Variants in MAGI2 observed in about 807,000 individuals in gnomAD.
The protein encoded by MAGI2 is membrane associated guanylate kinase, WW and PDZ domain containing 2.
MAGI2 carries 35 observed loss-of-function variants against 133.3 expected under a neutral mutation model. The observed-to-expected ratio is 0.26, with a 90% CI of 0.20 to 0.35. The LOEUF is 0.35. Ranked by LOEUF, MAGI2 falls within the 10% of genes least tolerant of loss-of-function variation. The probability of loss-of-function intolerance (pLI) is 1.00; values close to 1 mark genes in which losing one functional copy is unlikely to be tolerated. For synonymous variants in MAGI2, 729 were observed against 710.6 expected, an observed-to-expected ratio of 1.03 and a Z score of -0.41; for missense variants, 1,636 against 1,863.4, an observed-to-expected ratio of 0.88 and a Z score of 2.25.
At chr7:79,053,513 T>C (rs529180749) in intron 1 of MAGI2, among the ~76,000 whole-genome samples, 8 of 152,302 alleles carry the variant, frequency 5.3e-5, no homozygotes, top group African/African-American at 9.6e-5. Context: ...ATTCAATTCA[T>C]TTAAAGTGAA....
chr7:78,945,147 C>A (rs1584467757), intron 2 of MAGI2, among the ~76,000 whole-genome samples: 2 of 152,022 alleles, frequency 1.3e-5, no homozygotes, highest in South Asian at 4.2e-4. Flanking sequence ...TTGCAACCTC[C>A]CCCTCCCCGG....
At chr7:79,002,248 A>C (rs894705245) in intron 2 of MAGI2, among the ~76,000 whole-genome samples, 3 of 151,608 alleles carry the variant, frequency 2.0e-5, no homozygotes, top group African/African-American at 7.3e-5. Flanking sequence ...CCTCACAAGT[A>C]GCTGGGACTA....
chr7:78,158,913 C>T (rs1824673308), intron 16 of MAGI2, among the ~76,000 whole-genome samples: 1 of 152,084 alleles, frequency 6.6e-6, no homozygotes, highest in Non-Finnish European at 1.5e-5. Context: ...GCAGACCTTG[C>T]ACTCAGTGTA....
chr7:79,340,100 C>T (rs918379336), intron 1 of MAGI2, among the ~76,000 whole-genome samples: 1 of 151,948 alleles, frequency 6.6e-6, no homozygotes, highest in African/African-American at 2.4e-5. Flanking sequence ...ATTATATTTT[C>T]AAATATTTGT....
chr7:79,184,192 T>C (rs2129550539), intron 1 of MAGI2, among the ~76,000 whole-genome samples: 1 of 151,846 alleles, frequency 6.6e-6, no homozygotes, highest in Middle Eastern at 3.4e-3. Flanking sequence ...GTATGTTAAT[T>C]AGCTTGATAT....
chr7:78,911,354 G>A (rs1016065602), intron 2 of MAGI2, among the ~76,000 whole-genome samples: 1 of 152,180 alleles, frequency 6.6e-6, no homozygotes, highest in Non-Finnish European at 1.5e-5. Context: ...ACCCCAAGGT[G>A]GAGGTATTAA....
chr7:79,452,704 T>C (rs1009700787), intron 1 of MAGI2, among the ~76,000 whole-genome samples: 1 of 152,064 alleles, frequency 6.6e-6, no homozygotes, highest in African/African-American at 2.4e-5. Flanking sequence ...CTTCATCCGC[T>C]TCGGGTGATG....
intron 2 of MAGI2, among the ~76,000 whole-genome samples, chr7:78,671,618 T>C (rs1459362447): frequency 3.3e-5 from 5 of 152,182 alleles, no homozygotes; most frequent in African/African-American, 1.2e-4. Flanking sequence ...TCAAACTTGA[T>C]AATCAATTCC....
At chr7:78,802,928 T>TAA (rs34471936) in intron 2 of MAGI2, among the ~76,000 whole-genome samples, 2 of 144,482 alleles carry the variant, frequency 1.4e-5, no homozygotes, top group African/African-American at 5.1e-5. Flanking sequence ...TAAAATCTAT[T>TAA]AAAAAAAAAA....
At chr7:79,247,043 A>G (rs1338915579) in intron 1 of MAGI2, among the ~76,000 whole-genome samples, 1 of 152,222 alleles carries the variant, frequency 6.6e-6, no homozygotes. Flanking sequence ...CTAGAATAAA[A>G]TATCCAGTAA....
chr7:78,867,553 A>T (rs1418332708), intron 2 of MAGI2, among the ~76,000 whole-genome samples: 2 of 86,158 alleles, frequency 2.3e-5, no homozygotes, highest in Non-Finnish European at 4.5e-5. Flanking sequence ...GCGTGGGGGG[A>T]GGGGGGAGGG....
Position 78,117,072 on chromosome 7 carries a change from G to A in MAGI2, c.3567+8622C>T, listed in dbSNP as rs955370138. Reference sequence around the variant, plus strand: ...AAGAAAACATACTAGATCTGGATGAGTTTGCAGGTGTCTTCCACCAAACAT... The same window carrying A: ...AAGAAAACATACTAGATCTGGATGAATTTGCAGGTGTCTTCCACCAAACAT... On this transcript the variant is annotated intron_variant, in intron 20 of 21. Coordinates refer to ENST00000354212, the MANE Select transcript of MAGI2 (RefSeq NM_012301.4). Among the ~76,000 whole-genome samples, 10 of 150,264 alleles carry A rather than the reference G, an allele frequency of 6.7e-5. No homozygotes were observed. In the East Asian group the frequency reaches 1.7e-3, roughly 26 times the overall value.
intron 1 of MAGI2, among the ~76,000 whole-genome samples, chr7:79,108,927 A>G (rs1818673940): frequency 6.6e-6 from 1 of 152,100 alleles, no homozygotes; most frequent in African/African-American, 2.4e-5. Context: ...TGCTTTAGTC[A>G]TGTGACATGC....
intron 3 of MAGI2, among the ~76,000 whole-genome samples, chr7:78,573,368 ATATATATATATATAT>A: frequency 1.2e-4 from 1 of 8,676 alleles, no homozygotes; most frequent in Non-Finnish European, 1.9e-4. Flanking sequence ...TCCTGGAAAT[ATATATATATATATAT>A]ATATATATAT....
At chr7:79,041,494 A>ATGTAC (rs1811667363) in intron 1 of MAGI2, among the ~76,000 whole-genome samples, 4 of 152,278 alleles carry the variant, frequency 2.6e-5, no homozygotes, top group African/African-American at 9.6e-5. Context: ...GATAGTAAAA[A>ATGTAC]TGTACTTATG....
At chr7:78,326,423 C>T (rs986978006) in intron 9 of MAGI2, among the ~76,000 whole-genome samples, 2 of 152,168 alleles carry the variant, frequency 1.3e-5, no homozygotes, top group African/African-American at 4.8e-5. Flanking sequence ...CTCCAGGTGC[C>T]CTTTTAAATT....
At chr7:79,167,503 C>T (rs1379857312) in intron 1 of MAGI2, among the ~76,000 whole-genome samples, 1 of 150,722 alleles carries the variant, frequency 6.6e-6, no homozygotes, top group Non-Finnish European at 1.5e-5. Flanking sequence ...CTTCTTTCTA[C>T]TTCATAACTG....
At chr7:78,571,544 T>C (rs1801501080) in intron 3 of MAGI2, among the ~76,000 whole-genome samples, 1 of 152,178 alleles carries the variant, frequency 6.6e-6, no homozygotes, top group Non-Finnish European at 1.5e-5. Flanking sequence ...TGCAAAGTAC[T>C]TTCAGTCATT....
intron 1 of MAGI2, among the ~76,000 whole-genome samples, chr7:79,177,947 A>G (rs1488599518): frequency 6.6e-6 from 1 of 152,050 alleles, no homozygotes; most frequent in African/African-American, 2.4e-5. Flanking sequence ...GCTTATCTAT[A>G]GCATCTTGTC....
Sources: gnomAD v4.1 joint callset for allele counts (sites outside exome capture counted in the v4.1 genomes callset) on GRCh38, gnomAD v4.1.1 for gene constraint, MANE v1.5 for transcripts, NCBI Gene and HGNC (gene_info 2026-07-23, HGNC 2026-07-21) for gene names.